The following AIG1 variants were observed in gnomAD, a reference collection of about 807,000 sequenced individuals.
The protein encoded by AIG1 is androgen induced 1.
In AIG1, 23 loss-of-function variants were observed where a neutral mutation model predicts 31.4. The ratio of observed to expected loss-of-function variants is 0.73; its 90% CI spans 0.53 to 1.04. The LOEUF (loss-of-function observed/expected upper bound fraction) is 1.04. Ranked by LOEUF, AIG1 falls within the 50% of genes least tolerant of loss-of-function variation. The pLI is 0.00. For missense variants in AIG1, 274 were observed against 295.0 expected, an observed-to-expected ratio of 0.93 and a Z score of 0.52; for synonymous variants, 100 against 110.5, an observed-to-expected ratio of 0.90 and a Z score of 0.60.
At chr6:143,067,568 A>C (rs2128458791) in intron 1 of AIG1, among the ~76,000 whole-genome samples, 1 of 152,342 alleles carries the variant, frequency 6.6e-6, no homozygotes, top group East Asian at 1.9e-4. Flanking sequence ...TAAGCTGCTT[A>C]AGTATACTAC....
In AIG1 at chr6:143,293,198, T is replaced by C. The variant is rs542563931; in HGVS notation, c.515+8973T>C. 2.0e-5 allele frequency among the ~76,000 whole-genome samples: 3 copies of C among 152,036 alleles called. No homozygotes were observed. Among genetic ancestry groups the C allele is most frequent in the Non-Finnish European group, 4.4e-5 (3 of 67,964 alleles). Reference sequence around the variant, plus strand: ...TAGGAGAAAGGCTCATTTTCTTTTTTTCTCTCTCTCTCTTCCCCGCCACCC... The same window carrying C: ...TAGGAGAAAGGCTCATTTTCTTTTTCTCTCTCTCTCTCTTCCCCGCCACCC... On this transcript the variant is annotated intron_variant, in intron 4 of 5. Transcript: ENST00000357847. This position sits in a 1 kb window ranked among gnomAD's most constrained non-coding sequence, Gnocchi z 4.8.
rs1797852693 is a variant in AIG1 at position 143,288,610 on chromosome 6, A to G, written c.515+4385A>G. On this transcript the variant is annotated intron_variant, in intron 4 of 5. Coordinates refer to ENST00000357847, the MANE Select transcript of AIG1 (RefSeq NM_016108.4). This position sits in a 1 kb window ranked among gnomAD's most constrained non-coding sequence, Gnocchi z 4.4. ...AAATGTGTTCACTGAATAACTTTCCAACACAGAAAATAAAACAAAGTCAAG... is the reference window on the plus strand; with the variant it reads ...AAATGTGTTCACTGAATAACTTTCCGACACAGAAAATAAAACAAAGTCAAG... Among the ~76,000 whole-genome samples, 1 of 152,228 alleles carries G rather than the reference A, an allele frequency of 6.6e-6. No homozygotes were observed. Among genetic ancestry groups the G allele is most frequent in the Non-Finnish European group, 1.5e-5 (1 of 68,046 alleles).
chr6:143,189,162 G>GC (rs754039334), intron 3 of AIG1: 1 of 510,712 alleles, frequency 2.0e-6, no homozygotes, highest in Non-Finnish European at 2.5e-6. Flanking sequence ...TCCTGCCTCA[G>GC]CCCCCCAAGT....
At chr6:143,115,751 G>A (rs1217744836) in intron 1 of AIG1, among the ~76,000 whole-genome samples, 3 of 152,180 alleles carry the variant, frequency 2.0e-5, no homozygotes, top group Non-Finnish European at 4.4e-5. Context: ...CAGGCTTATT[G>A]ACCATGAGTA....
rs1329882162 is a variant in AIG1, at chr6:143,302,709, G to A, written c.515+18484G>A. Reference sequence around the variant, plus strand: ...TACGTGTGCATGTGTCTTTATAGCAGCATGATTTGTAGTCCTTTGGGTATA... The same window carrying A: ...TACGTGTGCATGTGTCTTTATAGCAACATGATTTGTAGTCCTTTGGGTATA... On this transcript the variant is annotated intron_variant, in intron 4 of 5. Coordinates refer to ENST00000357847, the MANE Select transcript of AIG1 (RefSeq NM_016108.4). 1.4e-4 allele frequency among the ~76,000 whole-genome samples: 21 copies of A among 152,296 alleles called. No individual in the cohort carries two copies. In the East Asian group the frequency reaches 3.9e-3, roughly 28 times the overall value.
intron 2 of AIG1, among the ~76,000 whole-genome samples, chr6:143,151,614 C>T (rs977873290): frequency 2.0e-5 from 3 of 152,148 alleles, no homozygotes; most frequent in African/African-American, 7.2e-5. Context: ...TCTTGTAGCC[C>T]AGGACACTCT....
rs149127807 is a variant in AIG1 at position 143,333,117 on chromosome 6, A to G, written c.516-165A>G. 1.4e-4 allele frequency among the ~76,000 whole-genome samples: 21 copies of G among 152,376 alleles called. No homozygotes were observed. The highest frequency in any genetic ancestry group is 4.6e-4 in the African/African-American group (19 of 41,594). Reference sequence around the variant, plus strand: ...CAGAATAAAAAGTAAATGAAAATAAACAGCAACCAAGTTTCCAGTAGCTCC... The same window carrying G: ...CAGAATAAAAAGTAAATGAAAATAAGCAGCAACCAAGTTTCCAGTAGCTCC... On this transcript the variant is annotated intron_variant, in intron 4 of 5. Transcript: ENST00000357847. This position sits in a 1 kb window ranked among gnomAD's most constrained non-coding sequence, Gnocchi z 4.6.
chr6:143,197,104 A>G (rs562033021), intron 3 of AIG1, among the ~76,000 whole-genome samples: 1 of 151,892 alleles, frequency 6.6e-6, no homozygotes, highest in African/African-American at 2.4e-5. Flanking sequence ...ATCATTGTTT[A>G]GGAAAAGACA....
At chr6:143,243,269 A>G (rs781750788) in intron 3 of AIG1, among the ~76,000 whole-genome samples, 3 of 152,250 alleles carry the variant, frequency 2.0e-5, no homozygotes, top group Non-Finnish European at 2.9e-5. Context: ...TTATAATAAG[A>G]CATTCACCAC....
At chr6:143,109,887 A>G (rs1278070673) in intron 1 of AIG1, among the ~76,000 whole-genome samples, 4 of 152,198 alleles carry the variant, frequency 2.6e-5, no homozygotes, top group Non-Finnish European at 5.9e-5. Context: ...AATGAAGTTT[A>G]ACTTATTAAT....
chr6:143,129,886 A>T (rs141997712), intron 1 of AIG1, among the ~76,000 whole-genome samples: 43 of 149,836 alleles, frequency 2.9e-4, no homozygotes, highest in African/African-American at 1.0e-3. Flanking sequence ...TTTTATCATT[A>T]TGAAATGTTC....
At chr6:143,278,261 A>C (rs1797083072) in intron 3 of AIG1, among the ~76,000 whole-genome samples, 1 of 152,224 alleles carries the variant, frequency 6.6e-6, no homozygotes, top group Non-Finnish European at 1.5e-5. Context: ...ACTACAACTT[A>C]TGAATAATCT....
intron 1 of AIG1, among the ~76,000 whole-genome samples, chr6:143,116,625 C>T (rs572011881): frequency 6.7e-6 from 1 of 150,122 alleles, no homozygotes. Context: ...TGCCAAATCC[C>T]TTTTTAAGCC....
At chr6:143,230,467 A>G (rs2128631250) in intron 3 of AIG1, among the ~76,000 whole-genome samples, 1 of 150,046 alleles carries the variant, frequency 6.7e-6, no homozygotes, top group South Asian at 2.1e-4. Context: ...TGAATTAAAT[A>G]AGATATACTA....
chr6:143,094,239 G>A (rs1398399398), intron 1 of AIG1: 3 of 152,190 alleles, frequency 2.0e-5, no homozygotes, highest in African/African-American at 7.2e-5. Flanking sequence ...TTGACTCAGA[G>A]ATAATAAGCA....
At chr6:143,176,553 C>G (rs1345424508) in intron 3 of AIG1, among the ~76,000 whole-genome samples, 1 of 150,778 alleles carries the variant, frequency 6.6e-6, no homozygotes, top group Admixed American at 6.6e-5. Context: ...GTGTAGTTCC[C>G]AGGCCAAGGG....
chr6:143,166,204 A>C (rs2128566551), intron 3 of AIG1, among the ~76,000 whole-genome samples: 1 of 152,218 alleles, frequency 6.6e-6, no homozygotes, highest in African/African-American at 2.4e-5. Context: ...CATCTCAGAG[A>C]ATTGGATTTT....
intron 3 of AIG1, among the ~76,000 whole-genome samples, chr6:143,172,236 T>C (rs1438559964): frequency 1.3e-5 from 2 of 152,146 alleles, no homozygotes; most frequent in African/African-American, 4.8e-5. Flanking sequence ...TGCTTTTGGG[T>C]TCTTGGTCAC....
intron 1 of AIG1, among the ~76,000 whole-genome samples, chr6:143,092,966 C>G (rs903483145): frequency 6.6e-6 from 1 of 152,110 alleles, no homozygotes; most frequent in African/African-American, 2.4e-5. Flanking sequence ...GGGAGCATTG[C>G]TTGAGCCCAG....
Sources: gnomAD v4.1 joint callset for allele counts (sites outside exome capture counted in the v4.1 genomes callset) on GRCh38, gnomAD v4.1.1 for gene constraint, Gnocchi (gnomAD v3.1) non-coding constraint, MANE v1.5 for transcripts, NCBI Gene and HGNC (gene_info 2026-07-23, HGNC 2026-07-21) for gene names.